The following TNIK variants were observed in gnomAD, a reference collection of about 807,000 sequenced individuals.
TNIK encodes TRAF2 and NCK interacting kinase, also known as TRAF2 and NCK-interacting protein kinase.
TNIK carries 49 observed loss-of-function variants against 191.3 expected under a neutral mutation model. The ratio of observed to expected loss-of-function variants is 0.26; its 90% CI spans 0.20 to 0.32. The LOEUF is 0.32. TNIK is among the 10% of genes least tolerant of loss of function. TNIK has a pLI of 1.00. For synonymous variants in TNIK, 594 were observed against 600.9 expected (o/e 0.99, Z 0.17); for missense variants, 1,155 against 1,702.3 (o/e 0.68, Z 5.66).
chr3:171,105,112 C>CG (rs376365558), intron 21 of TNIK, among the ~76,000 whole-genome samples: 1 of 150,456 alleles, frequency 6.6e-6, no homozygotes, highest in East Asian at 1.9e-4. Flanking sequence ...TTAGCAATAA[C>CG]AAGCGACAAT....
At chr3:171,312,931 C>T (rs6785653) in intron 2 of TNIK, among the ~76,000 whole-genome samples, 2,637 of 152,102 alleles carry the variant, frequency 0.017, 74 homozygotes, top group African/African-American at 0.061. Flanking sequence ...TGGACCACAG[C>T]GTGCCATTTA....
chr3:171,251,495 C>A, intron 2 of TNIK, among the ~76,000 whole-genome samples: 1 of 152,160 alleles, frequency 6.6e-6, no homozygotes, highest in East Asian at 1.9e-4. Context: ...GTTCCTCTGT[C>A]CTGGGCAAGT....
intron 2 of TNIK, among the ~76,000 whole-genome samples, chr3:171,240,936 G>A (rs1005394967): frequency 7.9e-5 from 12 of 152,150 alleles, no homozygotes; most frequent in South Asian, 4.2e-4. Flanking sequence ...ATCAGTGCCC[G>A]CATGGTGGGT....
rs546782674 is a variant in TNIK at position 171,270,435 on chromosome 3, T to C, written c.124-42214A>G. Among the ~76,000 whole-genome samples the C allele has an allele frequency of 7.2e-5, 11 of 152,280 alleles. No individual in the cohort carries two copies. The East Asian group carries it at 9.6e-4, about 13-fold the overall frequency. On this transcript the variant is annotated intron_variant, in intron 2 of 32. Coordinates refer to ENST00000436636, the MANE Select transcript of TNIK (RefSeq NM_015028.4). Reference sequence around the variant, plus strand: ...CACCACTATAGAGCGACTGTTAACATGGAGAGGAAAGAGGCCAGAGAGAAA... The same window carrying C: ...CACCACTATAGAGCGACTGTTAACACGGAGAGGAAAGAGGCCAGAGAGAAA...
chr3:171,261,681 A>T (rs1451585857), intron 2 of TNIK, among the ~76,000 whole-genome samples: 3 of 152,216 alleles, frequency 2.0e-5, no homozygotes, highest in Non-Finnish European at 4.4e-5. Flanking sequence ...TGACTCATTC[A>T]TTCAACAACT....
At chr3:171,139,087 G>A (rs1257937694) in intron 14 of TNIK, among the ~76,000 whole-genome samples, 4 of 152,114 alleles carry the variant, frequency 2.6e-5, no homozygotes, top group Non-Finnish European at 5.9e-5. Flanking sequence ...TGGGAGAGGT[G>A]CATTTTGCTG....
intron 18 of TNIK, among the ~76,000 whole-genome samples, chr3:171,111,883 A>C (rs1725906770): frequency 6.6e-6 from 1 of 152,230 alleles, no homozygotes; most frequent in African/African-American, 2.4e-5. Flanking sequence ...TCATAGAAAC[A>C]GAGAGTAGAA....
chr3:171,425,595 G>A (rs934476246), intron 1 of TNIK, among the ~76,000 whole-genome samples: 9 of 152,174 alleles, frequency 5.9e-5, no homozygotes, highest in African/African-American at 2.2e-4. Context: ...GGAGGCTGAG[G>A]AGGGTGGATC....
At chr3:171,261,995 T>C (rs559636436) in intron 2 of TNIK, among the ~76,000 whole-genome samples, 1 of 152,228 alleles carries the variant, frequency 6.6e-6, no homozygotes, top group South Asian at 2.1e-4. Flanking sequence ...AATACTATTA[T>C]TTATAACCTT....
At chr3:171,353,416 A>G (rs1713516945) in intron 2 of TNIK, among the ~76,000 whole-genome samples, 1 of 152,186 alleles carries the variant, frequency 6.6e-6, no homozygotes, top group Non-Finnish European at 1.5e-5. Context: ...TGCTTACTTT[A>G]TGATGTTGCG....
At chr3:171,329,942 C>T (rs961955964) in intron 2 of TNIK, among the ~76,000 whole-genome samples, 7 of 152,122 alleles carry the variant, frequency 4.6e-5, no homozygotes, top group Admixed American at 1.3e-4. Flanking sequence ...TCTTACAGTA[C>T]GACTTTGAAA....
intron 4 of TNIK, among the ~76,000 whole-genome samples, chr3:171,197,300 C>T (rs1189002611): frequency 6.6e-6 from 1 of 152,028 alleles, no homozygotes; most frequent in Non-Finnish European, 1.5e-5. Context: ...ATCAAACTTT[C>T]AGGAGAAACC....
At chr3:171,449,984 C>A (rs552521080) in intron 1 of TNIK, among the ~76,000 whole-genome samples, 1 of 151,672 alleles carries the variant, frequency 6.6e-6, no homozygotes, top group East Asian at 1.9e-4. Context: ...TGCAGTCAGC[C>A]AACACGGTGC....
chr3:171,286,357 C>G (rs981082801), intron 2 of TNIK, among the ~76,000 whole-genome samples: 1 of 152,192 alleles, frequency 6.6e-6, no homozygotes, highest in African/African-American at 2.4e-5. Flanking sequence ...TCAGGTATCT[C>G]TGGAAGAAGA....
chr3:171,071,446 T>C, intron 28 of TNIK, 123 bp from the exon 29 acceptor site: 3 of 764,702 alleles, frequency 3.9e-6, no homozygotes, highest in Middle Eastern at 3.9e-4. Context: ...GTCAGCTTCA[T>C]GAAGGTGATA....
At chr3:171,281,683 C>T (rs1750441059) in intron 2 of TNIK, among the ~76,000 whole-genome samples, 1 of 152,142 alleles carries the variant, frequency 6.6e-6, no homozygotes, top group African/African-American at 2.4e-5. Context: ...CATTATTTTG[C>T]TCTCTCTCAC....
At chr3:171,136,060 T>C (rs1036878334) in intron 15 of TNIK, among the ~76,000 whole-genome samples, 5 of 152,224 alleles carry the variant, frequency 3.3e-5, no homozygotes, top group Non-Finnish European at 7.3e-5. Flanking sequence ...AGGTGAAAAC[T>C]GTTTCATGCT....
chr3:171,409,787 T>C (rs1161558861), intron 1 of TNIK, among the ~76,000 whole-genome samples: 1 of 148,004 alleles, frequency 6.8e-6, no homozygotes, highest in East Asian at 2.0e-4. Context: ...TGCCAAATGT[T>C]AAATAATCAA....
At chr3:171,235,051 AT>A (rs1744097159) in intron 2 of TNIK, among the ~76,000 whole-genome samples, 2 of 152,002 alleles carry the variant, frequency 1.3e-5, no homozygotes, top group South Asian at 4.1e-4. Flanking sequence ...TTATTTATTT[AT>A]TTATTTTGAG....
Sources: gnomAD v4.1 joint callset for allele counts (sites outside exome capture counted in the v4.1 genomes callset) on GRCh38, gnomAD v4.1.1 for gene constraint, MANE v1.5 for transcripts, NCBI Gene and HGNC (gene_info 2026-07-23, HGNC 2026-07-21) for gene names.